DNMT3A: variants seen among roughly 807,000 people sequenced by gnomAD.
The protein encoded by DNMT3A is DNA methyltransferase 3 alpha.
DNMT3A carries 267 observed loss-of-function variants against 117.6 expected under a neutral mutation model. The observed-to-expected ratio is 2.27, with a 90% CI of 2.05 to 2.51. The LOEUF (loss-of-function observed/expected upper bound fraction) is 2.51. Ranked by LOEUF, DNMT3A falls within the 30% of genes most tolerant of loss-of-function variation. The pLI, the probability that DNMT3A is intolerant of heterozygous loss-of-function variation, is 0.00. For missense variants in DNMT3A, 1,029 were observed against 1,260.2 expected (o/e 0.82, Z 2.78); for synonymous variants, 432 against 474.8 (o/e 0.91, Z 1.17).
rs192540362 is a variant in DNMT3A at position 25,257,177 on chromosome 2, C to T, written c.640-8925G>A. Among the ~76,000 whole-genome samples, 3 of 152,280 alleles carry T rather than the reference C, an allele frequency of 2.0e-5. No homozygotes were observed. Among genetic ancestry groups the T allele is most frequent in the East Asian group, 1.9e-4 (1 of 5,178 alleles). On this transcript the variant is annotated intron_variant, in intron 6 of 22. Transcript: ENST00000321117. The surrounding 1 kb of genome is among the most constrained non-coding windows in gnomAD (Gnocchi z 4.8). ...CTAAAAATAGCCATGAAGCCAACAGCGTGGAGTTAGCAGGACTTGTTGCTA... is the reference window on the plus strand; with the variant it reads ...CTAAAAATAGCCATGAAGCCAACAGTGTGGAGTTAGCAGGACTTGTTGCTA...
intron 6 of DNMT3A, among the ~76,000 whole-genome samples, chr2:25,268,964 A>T (rs923047212): frequency 2.6e-5 from 4 of 152,220 alleles, no homozygotes; most frequent in Non-Finnish European, 5.9e-5. Context: ...GGAAGATGTG[A>T]TCAACACATA....
chr2:25,313,063 G>T (rs1048366404), intron 2 of DNMT3A, among the ~76,000 whole-genome samples: 1 of 152,210 alleles, frequency 6.6e-6, no homozygotes, highest in Non-Finnish European at 1.5e-5. Context: ...GAGGGTGGCA[G>T]TGAGTTCACC....
chr2:25,246,229 C>T lies in DNMT3A; in HGVS notation c.1360G>A (p.Ala454Thr), dbSNP rs756559210. Residue 454 changes from alanine (A) to threonine (T), a missense_variant, in exon 11 of 23, where the codon GCC becomes ACC. Coordinates refer to ENST00000321117, the MANE Select transcript of DNMT3A (RefSeq NM_022552.5). ...EAAAYAPPPP[A>T]KKPRKSTAEK... ...GCTGTGCTCTTCCGGGGCTTTTTGG[C>T]TGGTGGAGGTGGTGCGTAGGCAGCT... The T allele has an allele frequency of 6.2e-7, 1 of 1,614,134 alleles. No individual in the cohort carries two copies. The highest frequency in any genetic ancestry group is 1.3e-5 in the African/African-American group (1 of 75,022).
chr2:25,265,562 T>C (rs2030249633), intron 6 of DNMT3A, among the ~76,000 whole-genome samples: 1 of 152,296 alleles, frequency 6.6e-6, no homozygotes, highest in Admixed American at 6.5e-5. Flanking sequence ...CTCATGCCTG[T>C]AATCCCAGCA....
chr2:25,252,317 G>A lies in DNMT3A; in HGVS notation c.640-4065C>T. 1 of 232,506 alleles carries A rather than the reference G, an allele frequency of 4.3e-6. No homozygotes were observed. 14.4% of individuals were successfully genotyped at this position (232,506 alleles called of 1,614,324 possible). A position where few individuals can be genotyped will look rare whatever the true frequency, so the allele number is the denominator to read the frequency against. ...GGCGATGGGGCTGGGGGCGGAGGGG[G>A]CCACTGGGAGGGGAGGGGGGCGGCG... On this transcript the variant is annotated intron_variant, in intron 6 of 22. Transcript: ENST00000321117. The surrounding 1 kb of genome is among the most constrained non-coding windows in gnomAD (Gnocchi z 5.5).
rs2149325661 is a variant in DNMT3A at position 25,252,107 on chromosome 2, T to C, written c.640-3855A>G. 3.3e-6 allele frequency: 5 copies of C among 1,512,764 alleles called. No homozygotes were observed. The East Asian group carries it at 7.7e-5, about 23-fold the overall frequency. 93.7% of individuals were successfully genotyped at this position (1,512,764 alleles called of 1,614,324 possible). ...GCCGGGGAGGCATACTTCACTCTTT[T>C]CAAACCCGGAGGGCTGCGGAGATCC... On this transcript the variant is annotated intron_variant, in intron 6 of 22. Transcript: ENST00000321117. The surrounding 1 kb of genome is among the most constrained non-coding windows in gnomAD (Gnocchi z 5.5).
intron 12 of DNMT3A, 152 bp from the exon 13 acceptor site, chr2:25,245,484 C>T: frequency 1.5e-6 from 1 of 656,520 alleles, no homozygotes; most frequent in East Asian, 2.7e-5. Flanking sequence ...AAGGGAGGCA[C>T]TGTGACCCCA....
rs1381121642 is a variant in DNMT3A, at chr2:25,293,660, T to TTA, written c.177+6477_177+6478dup. Among the ~76,000 whole-genome samples, 49 of 149,458 alleles carry TTA rather than the reference T, an allele frequency of 3.3e-4. No individual in the cohort carries two copies. The highest frequency in any genetic ancestry group is 3.4e-3 in the Middle Eastern group (1 of 294). Reference sequence around the variant, plus strand: ...TACCACCATACCCAGCTACTATTTATTATATATATATATAAAAATTTATTT... The same window carrying TTA: ...TACCACCATACCCAGCTACTATTTATTATATATATATATATAAAAATTTATTT... On this transcript the variant is annotated intron_variant, in intron 3 of 22. Transcript: ENST00000321117. This position sits in a 1 kb window ranked among gnomAD's most constrained non-coding sequence, Gnocchi z 4.7.
rs763285405 is a variant in DNMT3A at position 25,281,658 on chromosome 2, C to T, written c.448+783G>A. The T allele has an allele frequency of 5.2e-5, 55 of 1,065,140 alleles. No homozygotes were observed. Among genetic ancestry groups the T allele is most frequent in the Non-Finnish European group, 5.9e-5 (52 of 879,218 alleles). The allele number at this position is 1,065,140 out of a possible 1,614,324, so 66.0% of individuals were successfully genotyped here. A position where few individuals can be genotyped will look rare whatever the true frequency, so the allele number is the denominator to read the frequency against. On this transcript the variant is annotated intron_variant, in intron 4 of 22. Coordinates refer to ENST00000321117, the MANE Select transcript of DNMT3A (RefSeq NM_022552.5). This position sits in a 1 kb window ranked among gnomAD's most constrained non-coding sequence, Gnocchi z 4.8. ...TCAAATGTGATAATGTATGAGAAAGCGCTTTGTAAACTGTGAAGCCCTGTA... is the reference window on the plus strand; with the variant it reads ...TCAAATGTGATAATGTATGAGAAAGTGCTTTGTAAACTGTGAAGCCCTGTA...
chr2:25,314,451 A>C (rs1262578548), intron 1 of DNMT3A: 44 of 985,020 alleles, frequency 4.5e-5, no homozygotes, highest in Non-Finnish European at 4.8e-5. Flanking sequence ...CCTTCTCTTC[A>C]TTCACAGCCT....
chr2:25,249,097 C>T (rs1675212814), intron 6 of DNMT3A, among the ~76,000 whole-genome samples: 1 of 152,334 alleles, frequency 6.6e-6, no homozygotes, highest in Admixed American at 6.5e-5. Flanking sequence ...TCCACCCTCT[C>T]CTATCTTCTT....
intron 12 of DNMT3A, 127 bp from the exon 13 acceptor site, chr2:25,245,459 G>A (rs1674642571): frequency 3.8e-6 from 3 of 798,710 alleles, no homozygotes; most frequent in Non-Finnish European, 6.1e-6. Context: ...AAAGAGTCCA[G>A]GGTGCCCCAC....
Position 25,236,200 on chromosome 2 carries a change from G to A in DNMT3A, c.2479-375C>T, listed in dbSNP as rs995255777. Among the ~76,000 whole-genome samples, 1 of 152,118 alleles carries A rather than the reference G, an allele frequency of 6.6e-6. No homozygotes were observed. Among genetic ancestry groups the A allele is most frequent in the Non-Finnish European group, 1.5e-5 (1 of 68,024 alleles). Reference sequence around the variant, plus strand: ...AATGCCTCAGACTCCTGAGTAGCTGGGACTACAGGCGCCCGCCACCATGCC... The same window carrying A: ...AATGCCTCAGACTCCTGAGTAGCTGAGACTACAGGCGCCCGCCACCATGCC... On this transcript the variant is annotated intron_variant, in intron 21 of 22. Coordinates refer to ENST00000321117, the MANE Select transcript of DNMT3A (RefSeq NM_022552.5). This position sits in a 1 kb window ranked among gnomAD's most constrained non-coding sequence, Gnocchi z 4.5.
At chr2:25,290,906 G>A (rs772327103) in intron 3 of DNMT3A, among the ~76,000 whole-genome samples, 4 of 152,142 alleles carry the variant, frequency 2.6e-5, no homozygotes, top group African/African-American at 4.8e-5. Context: ...ATGCAGGGGC[G>A]ACCTCACCTT....
chr2:25,319,998 A>C (rs976436217), intron 1 of DNMT3A, among the ~76,000 whole-genome samples: 6 of 152,002 alleles, frequency 3.9e-5, no homozygotes, highest in Non-Finnish European at 8.8e-5. Context: ...TCAAACTCCT[A>C]ACCTCAGGTG....
At position 25,240,465 on chromosome 2, in the gene DNMT3A, G is replaced by A; in HGVS notation, c.2174-15C>T. Reference sequence around the variant, plus strand: ...GCCAGTGCCCTCTGAGAGGTCGGAAGAGAAAGCCATCAGCTGGGGCTGTCT... The same window carrying A: ...GCCAGTGCCCTCTGAGAGGTCGGAAAAGAAAGCCATCAGCTGGGGCTGTCT... On this transcript the variant is annotated splice_polypyrimidine_tract_variant and intron_variant, in intron 18 of 22. Transcript: ENST00000321117. 1 of 1,596,738 alleles carries A rather than the reference G, an allele frequency of 6.3e-7. No homozygotes were observed. The highest frequency in any genetic ancestry group is 1.1e-5 in the South Asian group (1 of 87,524).
chr2:25,264,916 C>G (rs193103182), intron 6 of DNMT3A, among the ~76,000 whole-genome samples: 39 of 152,274 alleles, frequency 2.6e-4, no homozygotes, highest in African/African-American at 9.4e-4. Context: ...GTCTCACCCC[C>G]CAACCTGCCG....
At chr2:25,300,700 TC>T (rs2033405633) in intron 2 of DNMT3A, among the ~76,000 whole-genome samples, 3 of 76,030 alleles carry the variant, frequency 3.9e-5, no homozygotes, top group African/African-American at 1.5e-4. Flanking sequence ...TATTTATATA[TC>T]TAAATAATAT....
intron 3 of DNMT3A, among the ~76,000 whole-genome samples, chr2:25,292,043 T>C (rs1573440845): frequency 6.6e-6 from 1 of 151,756 alleles, no homozygotes; most frequent in Non-Finnish European, 1.5e-5. Flanking sequence ...TCATCTGAGG[T>C]TGGGAGTTCG....
Sources: allele counts gnomAD v4.1 joint callset (sites outside exome capture counted in the v4.1 genomes callset), GRCh38; gene constraint gnomAD v4.1.1; non-coding constraint Gnocchi (gnomAD v3.1); transcripts MANE v1.5; gene names NCBI Gene and HGNC (gene_info 2026-07-23, HGNC 2026-07-21).